CDH23: variants seen among roughly 807,000 people sequenced by gnomAD.
CDH23 encodes cadherin-23.
A neutral mutation model predicts 317.1 loss-of-function variants in CDH23; 189 were observed. The observed-to-expected ratio is 0.60, with a 90% CI of 0.53 to 0.67. CDH23 has a LOEUF of 0.67. CDH23 is among the 30% of genes least tolerant of loss of function. The pLI is 0.00. For synonymous variants in CDH23, 1,839 were observed against 1,876.8 expected (o/e 0.98, Z 0.52); for missense variants, 4,401 against 4,592.4 (o/e 0.96, Z 1.20).
At chr10:71,560,324 T>G (rs1857068430) in intron 6 of CDH23, among the ~76,000 whole-genome samples, 1 of 152,172 alleles carries the variant, frequency 6.6e-6, no homozygotes, top group Admixed American at 6.5e-5. Flanking sequence ...AGTGAAAGTG[T>G]GCAATTTTGA....
chr10:71,770,293 A>G (rs1380455212), intron 38 of CDH23, among the ~76,000 whole-genome samples: 1 of 152,232 alleles, frequency 6.6e-6, no homozygotes, highest in Non-Finnish European at 1.5e-5. Flanking sequence ...GGGAGGTGGT[A>G]TCATCTTCCC....
intron 14 of CDH23, among the ~76,000 whole-genome samples, chr10:71,649,726 A>G (rs1863074557): frequency 6.6e-6 from 1 of 152,192 alleles, no homozygotes; most frequent in Non-Finnish European, 1.5e-5. Flanking sequence ...TTTTGCATAT[A>G]TGGAGTACTG....
intron 38 of CDH23, chr10:71,755,346 G>A (rs3747858): frequency 7.0e-5 from 113 of 1,604,482 alleles, no homozygotes; most frequent in Non-Finnish European, 8.9e-5. Flanking sequence ...CCCAGGCAGG[G>A]AGGAATACTC....
chr10:71,403,015 G>A (rs1018418095), intron 1 of CDH23, among the ~76,000 whole-genome samples: 4 of 152,090 alleles, frequency 2.6e-5, no homozygotes, highest in African/African-American at 7.2e-5. Flanking sequence ...CCAGCTACTC[G>A]GGAGGCTGAG....
chr10:71,581,964 G>A (rs996896372), intron 9 of CDH23, among the ~76,000 whole-genome samples: 5 of 152,368 alleles, frequency 3.3e-5, no homozygotes, highest in African/African-American at 1.2e-4. Flanking sequence ...TGTGCCACCT[G>A]CCAGCAATGT....
chr10:71,415,772 C>T (rs116490648), intron 1 of CDH23, among the ~76,000 whole-genome samples: 2,542 of 152,108 alleles, frequency 0.017, 73 homozygotes, highest in African/African-American at 0.057. Context: ...GTTTTTAAAC[C>T]TCATTGCTTT....
At chr10:71,681,445 G>A (rs1864645960) in intron 17 of CDH23, among the ~76,000 whole-genome samples, 1 of 152,140 alleles carries the variant, frequency 6.6e-6, no homozygotes, top group Non-Finnish European at 1.5e-5. Context: ...TTAGCTCCCT[G>A]CAAATCCTGC....
In CDH23 at chr10:71,759,820, T is replaced by TACACACACACACACACAC. The variant is rs1289055534; in HGVS notation, c.4846-17850_4846-17833dup. On this transcript the variant is annotated intron_variant, in intron 38 of 69. Coordinates refer to ENST00000224721, the MANE Select transcript of CDH23 (RefSeq NM_022124.6). ...GAGTGAAACCGTGTTTCAGAAAATATACACACACACACACACACACACACA... is the reference window on the plus strand; with the variant it reads ...GAGTGAAACCGTGTTTCAGAAAATATACACACACACACACACACACACACACACACACACACACACACA... 3.4e-4 allele frequency among the ~76,000 whole-genome samples: 29 copies of TACACACACACACACACAC among 85,348 alleles called. 2 individuals are homozygous for TACACACACACACACACAC. Among genetic ancestry groups the TACACACACACACACACAC allele is most frequent in the Admixed American group, 9.2e-4 (7 of 7,626 alleles). 56.0% of individuals were successfully genotyped at this position (85,348 alleles called of 152,430 possible). A position where few individuals can be genotyped will look rare whatever the true frequency, so the allele number is the denominator to read the frequency against.
At chr10:71,575,291 C>T (rs1468838526) in intron 8 of CDH23, among the ~76,000 whole-genome samples, 1 of 152,170 alleles carries the variant, frequency 6.6e-6, no homozygotes, top group Admixed American at 6.5e-5. Context: ...ACAGTGATTC[C>T]AGGCCCAAAT....
At chr10:71,516,479 C>T (rs570496615) in intron 6 of CDH23, among the ~76,000 whole-genome samples, 1 of 152,356 alleles carries the variant, frequency 6.6e-6, no homozygotes, top group South Asian at 2.1e-4. Flanking sequence ...ATTCCCTGTA[C>T]CTCCTTACTA....
At chr10:71,805,156 A>G (rs1841672529) in intron 55 of CDH23, among the ~76,000 whole-genome samples, 1 of 152,158 alleles carries the variant, frequency 6.6e-6, no homozygotes. Context: ...CAGCCTTGTC[A>G]TGGGTCAATG....
At chr10:71,710,103 C>T (rs1012965044) in intron 27 of CDH23, among the ~76,000 whole-genome samples, 7 of 152,200 alleles carry the variant, frequency 4.6e-5, no homozygotes, top group Admixed American at 1.3e-4. Context: ...TATGGGAATA[C>T]AATTCAAGAT....
At chr10:71,582,606 C>T (rs1490823227) in intron 9 of CDH23, among the ~76,000 whole-genome samples, 1 of 152,212 alleles carries the variant, frequency 6.6e-6, no homozygotes, top group Non-Finnish European at 1.5e-5. Context: ...TTCTAAGCAT[C>T]CGTTTTCCAA....
At chr10:71,646,761 A>T (rs1409968387) in intron 14 of CDH23, 144 bp downstream of exon 14, 3 of 1,596,820 alleles carry the variant, frequency 1.9e-6, no homozygotes, top group Non-Finnish European at 2.6e-6. Context: ...TGGTGTATTA[A>T]ATAAAGTTTT....
chr10:71,777,856 C>A lies in CDH23; in HGVS notation c.5022C>A (p.Ile1674=). The A allele has an allele frequency of 6.2e-7, 1 of 1,613,906 alleles. No homozygotes were observed. The highest frequency in any genetic ancestry group is 8.5e-7 in the Non-Finnish European group (1 of 1,179,894). ...EGPNGTVTYA[I]VAGNIVNTFR... is the part of the protein sequence containing the mutation. Reference sequence around the variant, plus strand: ...CCAACGGCACAGTCACCTATGCCATCGTCGCAGGCAACATCGTCAACACCT... The same window carrying A: ...CCAACGGCACAGTCACCTATGCCATAGTCGCAGGCAACATCGTCAACACCT... The change falls in exon 39 of 70, where the codon ATC becomes ATA. Residue 1674 remains isoleucine (I), a synonymous_variant. Coordinates refer to ENST00000224721, the MANE Select transcript of CDH23 (RefSeq NM_022124.6).
chr10:71,486,004 A>C (rs1852328694), intron 3 of CDH23, among the ~76,000 whole-genome samples: 1 of 151,856 alleles, frequency 6.6e-6, no homozygotes, highest in African/African-American at 2.4e-5. Flanking sequence ...ATATATTTGG[A>C]GTAGAAGACA....
chr10:71,770,827 A>G (rs1442497984), intron 38 of CDH23, among the ~76,000 whole-genome samples: 2 of 152,130 alleles, frequency 1.3e-5, no homozygotes. Context: ...ATGAACAACT[A>G]GTACAGCTCA....
chr10:71,545,848 G>A (rs1314376961), intron 6 of CDH23, among the ~76,000 whole-genome samples: 1 of 152,166 alleles, frequency 6.6e-6, no homozygotes, highest in Non-Finnish European at 1.5e-5. Flanking sequence ...ATTATCTTAG[G>A]GGAGGTGACT....
Position 71,694,153 on chromosome 10 carries a change from T to TCAC in CDH23, c.2190_2192dup (p.Thr731dup), listed in dbSNP as rs1865286095. ...CCACTTCTCTCTCTGGCAGGGGAAA[T>TCAC]CACCACCACGTCTCTGCTTGACCGA... On this transcript the variant is annotated inframe_insertion, in exon 21 of 70. Coordinates refer to ENST00000224721, the MANE Select transcript of CDH23 (RefSeq NM_022124.6). 2.5e-6 allele frequency: 4 copies of TCAC among 1,612,206 alleles called. No individual in the cohort carries two copies. Among genetic ancestry groups the TCAC allele is most frequent in the Non-Finnish European group, 2.5e-6 (3 of 1,178,810 alleles).
Sources: allele counts gnomAD v4.1 joint callset (sites outside exome capture counted in the v4.1 genomes callset), GRCh38; gene constraint gnomAD v4.1.1; transcripts MANE v1.5; gene names NCBI Gene and HGNC (gene_info 2026-07-23, HGNC 2026-07-21).